The following SAMMSON variants were observed in gnomAD, a reference collection of about 807,000 sequenced individuals.
SAMMSON encodes the protein survival associated mitochondrial melanoma specific oncogenic non-coding RNA.
intron 4 of SAMMSON, among the ~76,000 whole-genome samples, chr3:70,132,086 A>G (rs1157448305): frequency 1.3e-5 from 2 of 152,106 alleles, no homozygotes; most frequent in Admixed American, 6.5e-5. Context: ...ACACCTCATT[A>G]TATCCCCTCC....
intron 2 of SAMMSON, among the ~76,000 whole-genome samples, chr3:70,405,559 A>C (rs1701171318): frequency 6.6e-6 from 1 of 152,216 alleles, no homozygotes; most frequent in Non-Finnish European, 1.5e-5. Flanking sequence ...CTAAAATAAC[A>C]GATTCACAGA....
At chr3:70,396,142 G>A (rs1701091426) in intron 2 of SAMMSON, among the ~76,000 whole-genome samples, 1 of 151,980 alleles carries the variant, frequency 6.6e-6, no homozygotes, top group Non-Finnish European at 1.5e-5. Context: ...CATAATAAGT[G>A]TTCAATAAAT....
chr3:70,053,965 A>C (rs2067157063), intron 3 of SAMMSON, among the ~76,000 whole-genome samples: 1 of 152,084 alleles, frequency 6.6e-6, no homozygotes, highest in Non-Finnish European at 1.5e-5. Flanking sequence ...TTTTAAATTT[A>C]CTGTGTGCAT....
chr3:70,407,407 T>A (rs1034111309), intron 2 of SAMMSON, among the ~76,000 whole-genome samples: 1 of 152,148 alleles, frequency 6.6e-6, no homozygotes, highest in South Asian at 2.1e-4. Context: ...GACTGTGAAA[T>A]TAAAAGCAAG....
At chr3:70,401,228 G>A (rs1701137563) in intron 2 of SAMMSON, among the ~76,000 whole-genome samples, 1 of 151,042 alleles carries the variant, frequency 6.6e-6, no homozygotes, top group Non-Finnish European at 1.5e-5. Flanking sequence ...AGGTTTTCTG[G>A]ATAATGTTTC....
chr3:70,426,635 T>C (rs1459852648), intron 2 of SAMMSON, among the ~76,000 whole-genome samples: 1 of 152,240 alleles, frequency 6.6e-6, no homozygotes, highest in Non-Finnish European at 1.5e-5. Flanking sequence ...TGAAAATTCC[T>C]CTTCCTGTAA....
At chr3:70,004,339 C>T (rs1029326007) in intron 1 of SAMMSON, among the ~76,000 whole-genome samples, 3 of 151,992 alleles carry the variant, frequency 2.0e-5, no homozygotes, top group Non-Finnish European at 2.9e-5. Flanking sequence ...TTTCTTGGGA[C>T]AAACTTTTAT....
intron 4 of SAMMSON, among the ~76,000 whole-genome samples, chr3:70,234,538 G>A (rs1701589929): frequency 6.6e-6 from 1 of 151,964 alleles, no homozygotes; most frequent in East Asian, 1.9e-4. Flanking sequence ...AGTCCCAGAG[G>A]CTGAGGTGGG....
At chr3:70,257,376 G>A (rs1257434953) in intron 6 of SAMMSON, among the ~76,000 whole-genome samples, 2 of 152,144 alleles carry the variant, frequency 1.3e-5, no homozygotes, top group Admixed American at 1.3e-4. Context: ...AATGTCAGTA[G>A]CCATCATTTC....
At chr3:70,400,152 C>T (rs114716587) in intron 2 of SAMMSON, among the ~76,000 whole-genome samples, 3,197 of 151,940 alleles carry the variant, frequency 0.021, 118 homozygotes, top group African/African-American at 0.072. Flanking sequence ...TACATGTAAT[C>T]AAGAAAAAGG....
chr3:70,135,544 TAA>T (rs2106677111), intron 4 of SAMMSON, among the ~76,000 whole-genome samples: 1 of 152,298 alleles, frequency 6.6e-6, no homozygotes, highest in South Asian at 2.1e-4. Context: ...CATTTTTGCA[TAA>T]GTCTTTTTCT....
At chr3:70,016,156 A>T (rs1056394039) in intron 3 of SAMMSON, among the ~76,000 whole-genome samples, 18 of 152,214 alleles carry the variant, frequency 1.2e-4, no homozygotes, top group African/African-American at 2.9e-4. Context: ...TCCACAATGG[A>T]TGAACTAGTT....
chr3:70,354,503 C>G (rs895020151), intron 8 of SAMMSON, among the ~76,000 whole-genome samples: 1 of 152,082 alleles, frequency 6.6e-6, no homozygotes, highest in Non-Finnish European at 1.5e-5. Flanking sequence ...CAGAATCAAC[C>G]CTTCATTCAG....
chr3:70,112,057 G>A (rs1394964181), intron 4 of SAMMSON, among the ~76,000 whole-genome samples: 2 of 152,136 alleles, frequency 1.3e-5, no homozygotes, highest in African/African-American at 4.8e-5. Flanking sequence ...AACTATTAAT[G>A]AAAGATACGA....
At chr3:70,380,047 T>C (rs997309287) in intron 9 of SAMMSON, among the ~76,000 whole-genome samples, 1 of 151,938 alleles carries the variant, frequency 6.6e-6, no homozygotes, top group Non-Finnish European at 1.5e-5. Flanking sequence ...AAATGAAAAA[T>C]GAAGCCCTAA....
chr3:70,285,503 T>C (rs1702151692), intron 6 of SAMMSON, among the ~76,000 whole-genome samples: 1 of 152,068 alleles, frequency 6.6e-6, no homozygotes, highest in East Asian at 1.9e-4. Context: ...TTGTGAATAA[T>C]GCCGCAATAA....
intron 4 of SAMMSON, among the ~76,000 whole-genome samples, chr3:70,082,769 A>G (rs1184408315): frequency 1.3e-5 from 2 of 152,160 alleles, no homozygotes; most frequent in African/African-American, 2.4e-5. Context: ...AGGATTAACA[A>G]TTACTCTCCC....
At chr3:70,216,495 C>A (rs1701413570) in intron 4 of SAMMSON, among the ~76,000 whole-genome samples, 1 of 151,974 alleles carries the variant, frequency 6.6e-6, no homozygotes, top group African/African-American at 2.4e-5. Flanking sequence ...ATAACTTACC[C>A]AGAGTCACAT....
At chr3:70,100,018 G>T (rs1353032458) in intron 4 of SAMMSON, among the ~76,000 whole-genome samples, 5 of 152,172 alleles carry the variant, frequency 3.3e-5, no homozygotes, top group Non-Finnish European at 7.3e-5. Context: ...TGGCCTACCA[G>T]AAATGGCTGG....
Sources: gnomAD v4.1 joint callset for allele counts (sites outside exome capture counted in the v4.1 genomes callset) on GRCh38, gnomAD v4.1.1 for gene constraint, MANE v1.5 for transcripts, NCBI Gene and HGNC (gene_info 2026-07-23, HGNC 2026-07-21) for gene names.